ACOT11: variants seen among roughly 807,000 people sequenced by gnomAD.
ACOT11 encodes the protein acyl-CoA thioesterase 11, also known as acyl-coenzyme A thioesterase 11.
In ACOT11, 69 loss-of-function variants were observed where a neutral mutation model predicts 77.5. The observed-to-expected ratio is 0.89, with a 90% CI of 0.73 to 1.09. ACOT11 has a LOEUF of 1.09. Ranked by LOEUF, ACOT11 falls within the 50% of genes least tolerant of loss-of-function variation. ACOT11 has a pLI of 0.00. For missense variants in ACOT11, 766 were observed against 813.7 expected, an observed-to-expected ratio of 0.94 and a Z score of 0.71; for synonymous variants, 279 against 313.0, an observed-to-expected ratio of 0.89 and a Z score of 1.15.
At position 54,624,938 on chromosome 1, in the gene ACOT11, G is replaced by T. The variant is rs1358287369; in HGVS notation, c.1630-5796G>T. The stretch of plus-strand genomic sequence containing the variant: ...GGCATTGTGAGTGGTGAGTCTGGGG[G>T]TGCTGGTTGGGAGGTGATGTGGTGA... On this transcript the variant is annotated intron_variant, in intron 15 of 16. Transcript: ENST00000371316. Among the ~76,000 whole-genome samples the T allele has an allele frequency of 2.6e-5, 4 of 151,936 alleles. No individual in the cohort carries two copies. In the South Asian group the frequency reaches 6.2e-4, roughly 24 times the overall value.
exon 17 of ACOT11, chr1:54,634,783 C>G: frequency 1.4e-6 from 1 of 697,442 alleles, no homozygotes; most frequent in Non-Finnish European, 2.6e-6. Context: ...ATCCAGAGGA[C>G]CCCCTGGTTG....
intron 15 of ACOT11, among the ~76,000 whole-genome samples, chr1:54,608,358 T>C (rs1644057815): frequency 6.6e-6 from 1 of 152,112 alleles, no homozygotes; most frequent in East Asian, 1.9e-4. Context: ...TGGATAGCCC[T>C]TCTCATCTAG....
In ACOT11 at chr1:54,627,271, T is replaced by A. The variant is rs373570061; in HGVS notation, c.1630-3463T>A. On this transcript the variant is annotated intron_variant, in intron 15 of 16. Coordinates refer to the ACOT11 transcript ENST00000371316. ...TCCGCGGGCCGTGTGTCACCTGTCC[T>A]CCCTGGGAAAGAGGCCGGCGAGCCG... Among the ~76,000 whole-genome samples, 129 of 134,856 alleles carry A rather than the reference T, an allele frequency of 9.6e-4. 23 individuals carry two copies. In the South Asian group the frequency reaches 0.031, roughly 33 times the overall value. 88.5% of individuals were successfully genotyped at this position (134,856 alleles called of 152,430 possible). A position where few individuals can be genotyped will look rare whatever the true frequency, so the allele number is the denominator to read the frequency against.
chr1:54,594,734 C>G, intron 6 of ACOT11, 43 bp downstream of exon 6: 2 of 1,577,046 alleles, frequency 1.3e-6, no homozygotes, highest in Admixed American at 1.8e-5. Context: ...AGCTGGCGTC[C>G]TGCATGGCCC....
chr1:54,582,362 C>T lies in ACOT11; in HGVS notation c.34-2293C>T, dbSNP rs1395029418. 3.5e-6 allele frequency: 3 copies of T among 846,512 alleles called. No individual in the cohort carries two copies. The African/African-American group carries it at 5.5e-5, about 16-fold the overall frequency. The allele number at this position is 846,512 out of a possible 1,614,324, so 52.4% of individuals were successfully genotyped here. On this transcript the variant is annotated intron_variant, in intron 1 of 15. Transcript: ENST00000343744. The stretch of plus-strand genomic sequence containing the variant: ...CGTCTCTGTTTGTCCCTCCACAAAC[C>T]TTTGACGATGTCCTCCTGTGTGCCA...
At chr1:54,622,369 A>T (rs1401214413) in intron 15 of ACOT11, among the ~76,000 whole-genome samples, 3 of 151,914 alleles carry the variant, frequency 2.0e-5, no homozygotes, top group Admixed American at 1.3e-4. Flanking sequence ...TCAGGAGGTC[A>T]AGAGATCAAG....
Position 54,634,982 on chromosome 1 carries a change from G to A in ACOT11, c.*253G>A, listed in dbSNP as rs542466500. 191 of 459,710 alleles carry A rather than the reference G, an allele frequency of 4.2e-4. 5 individuals are homozygous for A. In the South Asian group the frequency reaches 4.3e-3, roughly 10 times the overall value. 28.5% of individuals were successfully genotyped at this position (459,710 alleles called of 1,614,324 possible). A position where few individuals can be genotyped will look rare whatever the true frequency, so the allele number is the denominator to read the frequency against. ...TATGATAGCAGTTATCACCACTGCC[G>A]TGAGTATTCCTTCAATAAGGGCTGG... On this transcript the variant is annotated 3_prime_UTR_variant, in exon 17 of 17. Coordinates refer to the ACOT11 transcript ENST00000371316.
intron 1 of ACOT11, chr1:54,582,338 G>T: frequency 1.3e-5 from 8 of 609,182 alleles, no homozygotes; most frequent in Non-Finnish European, 1.6e-5. Context: ...ACTCAAGTCC[G>T]TCTCTGTTTG....
At position 54,585,896 on chromosome 1, in the gene ACOT11, C is replaced by T. The variant is rs750146526; in HGVS notation, c.303C>T (p.His101=). The part of the protein sequence containing the change: ...TASMDDIYFE[H]TISVGQVVNI... ...CCATGGATGACATCTATTTTGAGCA[C>T]ACCATTAGGTAAGTGGCCCCTCCTG... is the stretch of plus-strand genomic sequence containing the variant. Residue 101 remains histidine, a synonymous_variant, in exon 3 of 16, where the codon CAC becomes CAT. Transcript: ENST00000343744. The T allele has an allele frequency of 1.2e-5, 19 of 1,613,926 alleles. No homozygotes were observed. In the South Asian group the frequency reaches 2.0e-4, roughly 17 times the overall value.
Position 54,620,058 on chromosome 1 carries a change from G to A in ACOT11, c.1630-10676G>A, listed in dbSNP as rs772314562. 18 of 1,590,324 alleles carry A rather than the reference G, an allele frequency of 1.1e-5. 1 individual carries two copies. The East Asian group carries it at 3.8e-4, about 34-fold the overall frequency. On this transcript the variant is annotated intron_variant, in intron 15 of 16. Coordinates refer to the ACOT11 transcript ENST00000371316. ...AGCGTCTGTCCTCGCCCCAGCCCAA[G>A]ACTCATGTTCGTTCATCCCATGACC...
chr1:54,559,562 C>T (rs369668193), intron 1 of ACOT11, among the ~76,000 whole-genome samples: 4 of 152,126 alleles, frequency 2.6e-5, no homozygotes, highest in South Asian at 4.2e-4. Context: ...ATGGAGAACT[C>T]GGCACATAAT....
In ACOT11 at chr1:54,601,399, C is replaced by T. The variant is rs755630073; in HGVS notation, c.1015C>T (p.Arg339Trp). 53 of 1,612,546 alleles carry T rather than the reference C, an allele frequency of 3.3e-5. No individual in the cohort carries two copies. Among genetic ancestry groups the T allele is most frequent in the Non-Finnish European group, 4.2e-5 (49 of 1,179,944 alleles). The change falls in exon 9 of 16, where the codon CGG (arginine) becomes TGG (tryptophan). Residue 339 changes from arginine to tryptophan, a missense_variant. Arg to Trp is a moderately radical substitution (Grantham distance 101). Coordinates refer to ENST00000343744, the MANE Select transcript of ACOT11 (RefSeq NM_147161.4). ...DDQPQLLPWI[R>W]PQPGDGERRY... is the part of the protein sequence containing the mutation. The stretch of plus-strand genomic sequence containing the variant: ...CCAGCCCCAGTTGCTGCCCTGGATT[C>T]GGCCCCAGCCCGGCGTAAGTGGGAC...
At chr1:54,560,256 G>A (rs1653418771) in intron 1 of ACOT11, among the ~76,000 whole-genome samples, 1 of 152,206 alleles carries the variant, frequency 6.6e-6, no homozygotes, top group African/African-American at 2.4e-5. Flanking sequence ...CACCAGCCCA[G>A]TGGTCAGGGT....
intron 1 of ACOT11, among the ~76,000 whole-genome samples, chr1:54,581,871 C>A (rs1373367773): frequency 6.6e-6 from 1 of 152,224 alleles, no homozygotes; most frequent in Non-Finnish European, 1.5e-5. Flanking sequence ...AGACTGGCTG[C>A]CTGCCCACCT....
chr1:54,620,897 C>A (rs1644223694), intron 15 of ACOT11, among the ~76,000 whole-genome samples: 1 of 116,248 alleles, frequency 8.6e-6, no homozygotes, highest in African/African-American at 3.3e-5. Flanking sequence ...TGGTGGCTCA[C>A]ACCTGTAATC....
intron 1 of ACOT11, chr1:54,582,573 T>C: frequency 1.0e-6 from 1 of 969,228 alleles, no homozygotes; most frequent in Non-Finnish European, 1.2e-6. Context: ...GAAACGGGAG[T>C]GCATGGGAGG....
intron 15 of ACOT11, among the ~76,000 whole-genome samples, chr1:54,626,098 T>TA (rs1231624417): frequency 7.1e-6 from 1 of 141,058 alleles, no homozygotes; most frequent in Non-Finnish European, 1.5e-5. Flanking sequence ...CTGTTTCTAC[T>TA]AAAATACAAA....
At chr1:54,633,425 C>A (rs1644312607) in intron 16 of ACOT11, among the ~76,000 whole-genome samples, 1 of 152,190 alleles carries the variant, frequency 6.6e-6, no homozygotes, top group Admixed American at 6.5e-5. Context: ...CCAGGATTGC[C>A]TTCTCCTGCT....
intron 13 of ACOT11, 125 bp downstream of exon 13, chr1:54,605,334 T>C: frequency 2.9e-6 from 4 of 1,356,806 alleles, no homozygotes; most frequent in Non-Finnish European, 2.9e-6. Context: ...GGGTTGGAGT[T>C]CCATGCTGGG....
Sources: gnomAD v4.1 joint callset for allele counts (sites outside exome capture counted in the v4.1 genomes callset) on GRCh38, gnomAD v4.1.1 for gene constraint, MANE v1.5 for transcripts, NCBI Gene and HGNC (gene_info 2026-07-23, HGNC 2026-07-21) for gene names.